The following ZC3H13 variants were observed in gnomAD, a reference collection of about 807,000 sequenced individuals.
ZC3H13 encodes zinc finger CCCH-type containing 13.
A neutral mutation model predicts 204.1 loss-of-function variants in ZC3H13; 64 were observed. The observed-to-expected ratio is 0.31, with a 90% CI of 0.26 to 0.39. The LOEUF is 0.39. ZC3H13 is among the 10% of genes least tolerant of loss of function. ZC3H13 has a pLI of 1.00. For synonymous variants in ZC3H13, 667 were observed against 693.7 expected (o/e 0.96, Z 0.60); for missense variants, 1,833 against 2,082.7 (o/e 0.88, Z 2.33).
Position 46,042,287 on chromosome 13 carries a change from A to G in ZC3H13, c.228-12T>C. The stretch of plus-strand genomic sequence containing the variant: ...GTCTTTCTGGTGACCTTTGAACCAA[A>G]ACACAGAAACAAAACAAAAAACGAA... On this transcript the variant is annotated splice_polypyrimidine_tract_variant and intron_variant, in intron 3 of 18. Coordinates refer to ENST00000679008, the MANE Select transcript of ZC3H13 (RefSeq NM_001330564.2). The G allele has an allele frequency of 6.3e-7, 1 of 1,589,626 alleles. No homozygotes were observed. The highest frequency in any genetic ancestry group is 2.2e-5 in the East Asian group (1 of 44,618).
At chr13:46,032,362 C>CAAAAAAAAAAAAAAAA (rs11323386) in intron 4 of ZC3H13, among the ~76,000 whole-genome samples, 1 of 99,658 alleles carries the variant, frequency 1.0e-5, no homozygotes, top group Non-Finnish European at 2.2e-5. Context: ...AGAAAAAGAC[C>CAAAAAAAAAAAAAAAA]AAAAAAAAAA....
rs1024359024 is a variant in ZC3H13 at position 45,965,346 on chromosome 13, G to A, written c.4408C>T (p.Leu1470=). The stretch of plus-strand genomic sequence containing the variant: ...GCATCACCTGCCAGAATTTCATCTA[G>A]TTCGTCATCACTGATTGGCTCGTAT... ...EGYEPISDDE[L]DEILAGDAEK... Residue 1470 remains leucine, a synonymous_variant, in exon 16 of 19, where the codon CTA becomes TTA. Transcript: ENST00000679008. The A allele has an allele frequency of 1.9e-6, 3 of 1,613,618 alleles. No homozygotes were observed. In the Admixed American group the frequency reaches 5.0e-5, roughly 27 times the overall value.
At position 46,002,065 on chromosome 13, in the gene ZC3H13, C is replaced by A. The variant is rs73186674; in HGVS notation, c.944+1074G>T. On this transcript the variant is annotated intron_variant, in intron 8 of 18. Transcript: ENST00000679008. The stretch of plus-strand genomic sequence containing the variant: ...TCTTAGAACTCAACAGAAAAAAAAT[C>A]AAATAACCCAATTAAAAAATGGGCA... 3.8e-3 allele frequency among the ~76,000 whole-genome samples: 578 copies of A among 151,432 alleles called. 3 individuals are homozygous for A. Among genetic ancestry groups the A allele is most frequent in the Admixed American group, 6.6e-3 (100 of 15,202 alleles).
chr13:45,968,046 T>C lies in ZC3H13; in HGVS notation c.3797-18A>G, dbSNP rs771194856. 2 of 1,547,808 alleles carry C rather than the reference T, an allele frequency of 1.3e-6. No homozygotes were observed. The highest frequency in any genetic ancestry group is 1.7e-6 in the Non-Finnish European group (2 of 1,153,486). On this transcript the variant is annotated intron_variant, in intron 14 of 18. Coordinates refer to ENST00000679008, the MANE Select transcript of ZC3H13 (RefSeq NM_001330564.2). ...CTGGCGATCTAAAATAAATATACCA[T>C]ATATAAAGAGTTATTAGCACATGAT...
Position 45,970,389 on chromosome 13 carries a change from C to CA in ZC3H13, c.2544dup (p.Asp849Ter). ...TTATCATCTCCACTGTTGTAGGCAT[C>CA]ACTGTCCGGAGAATGTTCACGCCGG... On this transcript the variant is annotated frameshift_variant, in exon 13 of 19. Coordinates refer to ENST00000679008, the MANE Select transcript of ZC3H13 (RefSeq NM_001330564.2). LOFTEE classifies it high-confidence loss of function. 1 of 1,613,896 alleles carries CA rather than the reference C, an allele frequency of 6.2e-7. No homozygotes were observed. The highest frequency in any genetic ancestry group is 8.5e-7 in the Non-Finnish European group (1 of 1,179,856).
chr13:46,002,036 G>A (rs541042182), intron 8 of ZC3H13, among the ~76,000 whole-genome samples: 13 of 149,588 alleles, frequency 8.7e-5, no homozygotes, highest in Non-Finnish European at 1.2e-4. Context: ...AATATATAAC[G>A]AACTCTTAGA....
chr13:45,962,610 A>G, intron 17 of ZC3H13: 14 of 984,748 alleles, frequency 1.4e-5, no homozygotes, highest in Non-Finnish European at 1.7e-5. Context: ...TTGTACATGT[A>G]TACTCTAGGT....
intron 4 of ZC3H13, among the ~76,000 whole-genome samples, chr13:46,030,943 A>G (rs1383532754): frequency 1.3e-5 from 2 of 152,184 alleles, no homozygotes; most frequent in Admixed American, 6.5e-5. Flanking sequence ...ATACTGACAT[A>G]CTCATTCTAT....
chr13:46,049,893 A>G (rs1217107429), intron 1 of ZC3H13, among the ~76,000 whole-genome samples: 1 of 152,206 alleles, frequency 6.6e-6, no homozygotes, highest in African/African-American at 2.4e-5. Flanking sequence ...CCAATAACTT[A>G]CTAATTTACT....
At chr13:46,028,031 A>G (rs1206446505) in intron 4 of ZC3H13, among the ~76,000 whole-genome samples, 2 of 152,188 alleles carry the variant, frequency 1.3e-5, no homozygotes, top group African/African-American at 2.4e-5. Context: ...TAAAACACAG[A>G]TATTCTCGGA....
intron 10 of ZC3H13, among the ~76,000 whole-genome samples, chr13:45,983,594 T>G (rs1005825790): frequency 1.4e-5 from 2 of 146,342 alleles, no homozygotes; most frequent in Non-Finnish European, 3.0e-5. Context: ...GCCCGGCTAA[T>G]TTTTTTGTAT....
chr13:45,969,443 G>A lies in ZC3H13; in HGVS notation c.3101C>T (p.Pro1034Leu), dbSNP rs1354784580. Residue 1034 changes from proline to leucine, a missense_variant, in exon 14 of 19, where the codon CCC (proline) becomes CTC (leucine). This residue lies in a region of ZC3H13 where 1,574 missense variants were observed against 1,757.2 expected (regional missense o/e 0.90). Transcript: ENST00000679008. ...QSKKKRGPRTPPITTKEELVE... is the reference protein window; with the variant it reads ...QSKKKRGPRTLPITTKEELVE... Reference sequence around the variant, plus strand: ...CAATTCCTCTTTAGTTGTTATAGGGGGAGTCCGTGGGCCTCTTTTCTTCTT... The same window carrying A: ...CAATTCCTCTTTAGTTGTTATAGGGAGAGTCCGTGGGCCTCTTTTCTTCTT... 6.2e-7 allele frequency: 1 copy of A among 1,613,804 alleles called. No individual in the cohort carries two copies. Among genetic ancestry groups the A allele is most frequent in the Non-Finnish European group, 8.5e-7 (1 of 1,179,988 alleles).
intron 7 of ZC3H13, among the ~76,000 whole-genome samples, chr13:46,007,746 G>A (rs138259212): frequency 6.6e-6 from 1 of 152,274 alleles, no homozygotes; most frequent in African/African-American, 2.4e-5. Flanking sequence ...TGTTGTTTCA[G>A]TGGCACAGAG....
intron 18 of ZC3H13, among the ~76,000 whole-genome samples, chr13:45,958,041 G>A (rs1038700695): frequency 5.3e-5 from 8 of 152,176 alleles, no homozygotes; most frequent in Non-Finnish European, 1.2e-4. Flanking sequence ...GAGCAAAGGA[G>A]AATGACTGTA....
In ZC3H13 at chr13:45,989,229, T is replaced by C. The variant is rs1424437750; in HGVS notation, c.945-132A>G. Reference sequence around the variant, plus strand: ...CTTCAGAATAAATTTTAATTCACAATGCTGTAAAATTCTAAGTAAGTCACT... The same window carrying C: ...CTTCAGAATAAATTTTAATTCACAACGCTGTAAAATTCTAAGTAAGTCACT... On this transcript the variant is annotated intron_variant, in intron 8 of 18. Transcript: ENST00000679008. The C allele has an allele frequency of 3.2e-6, 3 of 951,582 alleles. No individual in the cohort carries two copies. In the African/African-American group the frequency reaches 5.0e-5, roughly 16 times the overall value. 58.9% of individuals were successfully genotyped at this position (951,582 alleles called of 1,614,324 possible).
At chr13:46,032,041 T>C (rs1306496120) in intron 4 of ZC3H13, among the ~76,000 whole-genome samples, 1 of 152,158 alleles carries the variant, frequency 6.6e-6, no homozygotes, top group Non-Finnish European at 1.5e-5. Flanking sequence ...GGTAGGTCAA[T>C]GGACAAATAA....
At chr13:46,022,122 TA>T (rs1216767690) in intron 4 of ZC3H13, among the ~76,000 whole-genome samples, 3 of 151,896 alleles carry the variant, frequency 2.0e-5, no homozygotes, top group Admixed American at 1.3e-4. Flanking sequence ...TAAATGTCAT[TA>T]ATAATGATGT....
rs757156561 is a variant in ZC3H13, at chr13:45,991,643, G to GA, written c.945-2547dup. On this transcript the variant is annotated intron_variant, in intron 8 of 18. Transcript: ENST00000679008. ...TAATTGGCTGGTTTCTTATCTGAGG[G>GA]AAAAAATTAGTGAAACTTGAAATTC... Among the ~76,000 whole-genome samples, 6 of 152,018 alleles carry GA rather than the reference G, an allele frequency of 3.9e-5. No individual in the cohort carries two copies. In the East Asian group the frequency reaches 5.8e-4, roughly 15 times the overall value.
intron 13 of ZC3H13, 111 bp from the exon 14 acceptor site, chr13:45,970,082 G>A (rs1952459643): frequency 7.4e-7 from 1 of 1,347,472 alleles, no homozygotes; most frequent in Non-Finnish European, 9.9e-7. Flanking sequence ...ACTTTGGGAG[G>A]CCGAGGCAGG....
Sources: allele counts gnomAD v4.1 joint callset (sites outside exome capture counted in the v4.1 genomes callset), GRCh38; gene constraint gnomAD v4.1.1; regional missense constraint gnomAD v4.1.1; transcripts MANE v1.5; gene names NCBI Gene and HGNC (gene_info 2026-07-23, HGNC 2026-07-21).